GLI2: variants seen among roughly 807,000 people sequenced by gnomAD.
GLI2 encodes the protein GLI family zinc finger 2.
Under a neutral mutation model 78.9 loss-of-function variants are expected in GLI2, and 22 were observed. That is an observed-to-expected ratio of 0.28 (90% CI 0.20 to 0.40). GLI2 has a LOEUF of 0.40. Ranked by LOEUF, GLI2 falls within the 10% of genes least tolerant of loss-of-function variation. The pLI, the probability that GLI2 is intolerant of heterozygous loss-of-function variation, is 1.00. For synonymous variants in GLI2, 974 were observed against 963.7 expected (o/e 1.01, Z -0.20); for missense variants, 2,097 against 2,213.2 (o/e 0.95, Z 1.05).
intron 2 of GLI2, among the ~76,000 whole-genome samples, chr2:120,849,968 A>G (rs1429923758): frequency 6.6e-6 from 1 of 152,232 alleles, no homozygotes; most frequent in Non-Finnish European, 1.5e-5. Flanking sequence ...TAAAAAGTTC[A>G]TTAAAGGGAT....
chr2:120,758,406 A>G (rs707489), intron 1 of GLI2, among the ~76,000 whole-genome samples: 33,355 of 152,160 alleles, frequency 0.22, 5,422 homozygotes, highest in African/African-American at 0.45. Flanking sequence ...GGAAGGGCCT[A>G]TGTGAATGGT....
At chr2:120,781,527 T>G (rs1683847508) in intron 1 of GLI2, among the ~76,000 whole-genome samples, 1 of 152,240 alleles carries the variant, frequency 6.6e-6, no homozygotes, top group South Asian at 2.1e-4. Flanking sequence ...CTCCTAATAT[T>G]TTCTCTGTAT....
intron 4 of GLI2, among the ~76,000 whole-genome samples, chr2:120,954,822 T>C (rs1681163862): frequency 6.6e-6 from 1 of 152,190 alleles, no homozygotes; most frequent in Non-Finnish European, 1.5e-5. Flanking sequence ...GATCTCACCC[T>C]GAATGTTCAG....
In GLI2 at chr2:120,989,471, A is replaced by G. The variant is rs748088531; in HGVS notation, c.3506A>G (p.Tyr1169Cys). The change falls in exon 14 of 14, where the codon TAC becomes TGC. Residue 1169 changes from tyrosine to cysteine, a missense_variant. By Grantham distance (194) the Tyr-to-Cys change is radical. Transcript: ENST00000361492. ...QKPAFGQYPG[Y>C]SPQGLQASPG... ...CCTGCCTTTGGCCAGTACCCGGGCT[A>G]CAGTCCGCAAGGCCTACAGGCTAGC... The G allele has an allele frequency of 1.9e-6, 3 of 1,613,104 alleles. No homozygotes were observed. The highest frequency in any genetic ancestry group is 2.2e-5 in the South Asian group (2 of 91,078).
In GLI2 at chr2:120,746,037, G is replaced by A. The variant is rs138744885; in HGVS notation, c.-31+9752G>A. On this transcript the variant is annotated intron_variant, in intron 1 of 13. Transcript: ENST00000361492. Reference sequence around the variant, plus strand: ...TCTGCAGGTGCAACCCTCAGCCCCTGGGCCCGTAGGACCTGGTGCCCAGCC... The same window carrying A: ...TCTGCAGGTGCAACCCTCAGCCCCTAGGCCCGTAGGACCTGGTGCCCAGCC... 4.6e-5 allele frequency among the ~76,000 whole-genome samples: 7 copies of A among 152,320 alleles called. No homozygotes were observed. The East Asian group carries it at 1.3e-3, about 29-fold the overall frequency.
chr2:120,954,053 G>A (rs929843159), intron 4 of GLI2, among the ~76,000 whole-genome samples: 1 of 152,180 alleles, frequency 6.6e-6, no homozygotes, highest in Non-Finnish European at 1.5e-5. Context: ...CCCACAGGAA[G>A]TAGACCAGAT....
chr2:120,776,766 A>G (rs1055729169), intron 1 of GLI2, among the ~76,000 whole-genome samples: 3 of 152,142 alleles, frequency 2.0e-5, no homozygotes, highest in African/African-American at 7.2e-5. Flanking sequence ...GGGCAGAGGC[A>G]TCCTAGCCGG....
chr2:120,814,772 GCCCCCGCCCGCCCCAC>G (rs1192469336), intron 2 of GLI2, among the ~76,000 whole-genome samples: 1 of 141,314 alleles, frequency 7.1e-6, no homozygotes, highest in African/African-American at 2.7e-5. Context: ...TGGGATTCCT[GCCCCCGCCCGCCCCAC>G]CCCCCGCCCC....
intron 2 of GLI2, among the ~76,000 whole-genome samples, chr2:120,889,927 A>G (rs187733832): frequency 6.6e-6 from 1 of 152,348 alleles, no homozygotes; most frequent in Non-Finnish European, 1.5e-5. Flanking sequence ...AGGTAAACAT[A>G]CTGCATAGGA....
intron 2 of GLI2, among the ~76,000 whole-genome samples, chr2:120,892,034 A>G (rs77993344): frequency 0.035 from 5,158 of 147,238 alleles, 286 homozygotes; most frequent in African/African-American, 0.12. Context: ...GATTGTGGTC[A>G]CCACCTTGGA....
intron 2 of GLI2, among the ~76,000 whole-genome samples, chr2:120,884,092 C>G (rs1338758015): frequency 1.3e-5 from 2 of 152,188 alleles, no homozygotes; most frequent in African/African-American, 4.8e-5. Context: ...CAGCTCAGTG[C>G]TGGGCTCACA....
chr2:120,923,376 A>G (rs1453609032), intron 2 of GLI2, among the ~76,000 whole-genome samples: 1 of 152,148 alleles, frequency 6.6e-6, no homozygotes, highest in Non-Finnish European at 1.5e-5. Flanking sequence ...ATATGCATAT[A>G]CACACAGCAA....
At chr2:120,948,212 G>A (rs1680807001) in intron 3 of GLI2, among the ~76,000 whole-genome samples, 1 of 152,192 alleles carries the variant, frequency 6.6e-6, no homozygotes, top group Middle Eastern at 3.2e-3. Context: ...GATGCAGTGT[G>A]CTCGTGGTCA....
chr2:120,873,328 T>A (rs954403315), intron 2 of GLI2, among the ~76,000 whole-genome samples: 2 of 152,352 alleles, frequency 1.3e-5, no homozygotes, highest in Admixed American at 6.5e-5. Context: ...ATTTTAAACT[T>A]ATTTAAACCT....
chr2:120,799,348 C>T (rs1684576332), intron 2 of GLI2, among the ~76,000 whole-genome samples: 1 of 152,146 alleles, frequency 6.6e-6, no homozygotes, highest in African/African-American at 2.4e-5. Flanking sequence ...GGAGGGTGGA[C>T]CCAGCCTTCG....
At chr2:120,955,199 C>G in intron 4 of GLI2, 46 bp from the exon 5 acceptor site, 1 of 892,730 alleles carries the variant, frequency 1.1e-6, no homozygotes, top group Non-Finnish European at 1.9e-6. Flanking sequence ...GAAGGCACAG[C>G]CAGTGCCAGG....
At chr2:120,959,317 T>A (rs1681428734) in intron 5 of GLI2, among the ~76,000 whole-genome samples, 1 of 152,238 alleles carries the variant, frequency 6.6e-6, no homozygotes, top group East Asian at 1.9e-4. Context: ...AGAGTCCACC[T>A]GAGGAGGGAT....
In GLI2 at chr2:120,939,142, C is replaced by T. The variant is rs192057392; in HGVS notation, c.254+11676C>T. 8.7e-4 allele frequency among the ~76,000 whole-genome samples: 132 copies of T among 152,102 alleles called. 3 individuals are homozygous for T. The East Asian group carries it at 0.025, about 28-fold the overall frequency. On this transcript the variant is annotated intron_variant, in intron 3 of 13. Transcript: ENST00000361492. ...ACTAAAAATACAAAAATTAGCCAGGCGTGGTGGTGGGCACCTGTAATCCCA... is the reference window on the plus strand; with the variant it reads ...ACTAAAAATACAAAAATTAGCCAGGTGTGGTGGTGGGCACCTGTAATCCCA...
intron 2 of GLI2, among the ~76,000 whole-genome samples, chr2:120,817,916 CT>C (rs1048103387): frequency 5.9e-5 from 9 of 152,228 alleles, no homozygotes; most frequent in Non-Finnish European, 7.3e-5. Context: ...CGCACGGGAC[CT>C]TCTGAGGACA....
Sources: allele counts gnomAD v4.1 joint callset (sites outside exome capture counted in the v4.1 genomes callset), GRCh38; gene constraint gnomAD v4.1.1; transcripts MANE v1.5; gene names NCBI Gene and HGNC (gene_info 2026-07-23, HGNC 2026-07-21).